PWP1: variants seen among roughly 807,000 people sequenced by gnomAD.
PWP1 encodes PWP1 homolog, endonuclein, also known as periodic tryptophan protein 1 homolog.
In PWP1, 47 loss-of-function variants were observed where a neutral mutation model predicts 69.9. The observed-to-expected ratio is 0.67, with a 90% CI of 0.53 to 0.86. The LOEUF (loss-of-function observed/expected upper bound fraction) is 0.86, where lower values mean the gene tolerates loss of function less well. Among genes scored for constraint, PWP1 ranks in the 40% least tolerant of loss-of-function variants. The pLI is 0.00. For missense variants in PWP1, 551 were observed against 608.8 expected (o/e 0.91, Z 1.00); for synonymous variants, 222 against 208.2 (o/e 1.07, Z -0.57).
chr12:107,709,528 A>T (rs11113449), intron 13 of PWP1, among the ~76,000 whole-genome samples: 61,772 of 122,060 alleles, frequency 0.51, 13,322 homozygotes, highest in South Asian at 0.58. Flanking sequence ...TTTTTTTTTT[A>T]AAACCCTGAA....
At position 107,685,822 on chromosome 12, in the gene PWP1, G is replaced by T. The variant is rs1889350269; in HGVS notation, c.-78G>T. 1 of 1,497,122 alleles carries T rather than the reference G, an allele frequency of 6.7e-7. No homozygotes were observed. The allele number at this position is 1,497,122 out of a possible 1,614,324, so 92.7% of individuals were successfully genotyped here. On this transcript the variant is annotated 5_prime_UTR_variant, in exon 1 of 15. Transcript: ENST00000412830. ...GCAGCGGCCCTGTGCAGATCCCTGA[G>T]CGTGTGGCAGCAGTGCGGTCGTGGT...
At chr12:107,709,304 T>G in intron 13 of PWP1, 72 bp downstream of exon 13, 1 of 1,544,318 alleles carries the variant, frequency 6.5e-7, no homozygotes, top group Non-Finnish European at 8.8e-7. Flanking sequence ...GAACTTGTGT[T>G]GCGTGTTTTT....
At chr12:107,709,330 C>T in intron 13 of PWP1, 98 bp downstream of exon 13, 3 of 1,432,450 alleles carry the variant, frequency 2.1e-6, no homozygotes, top group Admixed American at 2.0e-5. Context: ...GGAACTATTG[C>T]ATTAACAAAT....
At chr12:107,700,859 G>A (rs964528826) in intron 8 of PWP1, among the ~76,000 whole-genome samples, 4 of 152,038 alleles carry the variant, frequency 2.6e-5, no homozygotes, top group Admixed American at 6.6e-5. Context: ...ATCCTAATGG[G>A]TATGAAGTGG....
intron 7 of PWP1, 49 bp from the exon 8 acceptor site, chr12:107,699,324 A>G (rs747575766): frequency 2.2e-6 from 3 of 1,378,800 alleles, no homozygotes; most frequent in Non-Finnish European, 2.0e-6. Flanking sequence ...ATTCAGTTTT[A>G]TTATGAGGGG....
chr12:107,710,020 A>AAAAC (rs1439563584), intron 13 of PWP1, among the ~76,000 whole-genome samples: 1 of 152,212 alleles, frequency 6.6e-6, no homozygotes, highest in Non-Finnish European at 1.5e-5. Flanking sequence ...TGTAAAAAAG[A>AAAAC]AAACAAAGTT....
intron 5 of PWP1, among the ~76,000 whole-genome samples, chr12:107,694,575 ATTCT>A (rs1014168334): frequency 5.9e-5 from 9 of 152,200 alleles, no homozygotes; most frequent in South Asian, 2.1e-4. Flanking sequence ...ATGTGAAATT[ATTCT>A]TTCTAACTCT....
rs1802937 is a variant in PWP1 at position 107,712,281 on chromosome 12, T to C, written c.*61T>C. On this transcript the variant is annotated 3_prime_UTR_variant, in exon 15 of 15. Coordinates refer to ENST00000412830, the MANE Select transcript of PWP1 (RefSeq NM_007062.3). ...GAATTTTAAAAAGTTGGCCTAAAAA[T>C]GTTCCATGCGTGGCAGCAACCATGC... 0.015 allele frequency: 19,385 copies of C among 1,325,470 alleles called. 231 individuals are homozygous for C. Among genetic ancestry groups the C allele is most frequent in the African/African-American group, 0.049 (3,385 of 69,102 alleles). 82.1% of individuals were successfully genotyped at this position (1,325,470 alleles called of 1,614,324 possible).
At chr12:107,711,531 T>G (rs1488477922) in intron 14 of PWP1, among the ~76,000 whole-genome samples, 1 of 152,230 alleles carries the variant, frequency 6.6e-6, no homozygotes, top group Non-Finnish European at 1.5e-5. Context: ...ATCCACCGTT[T>G]GCTCAACTAT....
At chr12:107,703,201 A>G (rs1268443948) in intron 9 of PWP1, among the ~76,000 whole-genome samples, 170 bp downstream of exon 9, 1 of 152,226 alleles carries the variant, frequency 6.6e-6, no homozygotes, top group Non-Finnish European at 1.5e-5. Context: ...GGTAGGTATA[A>G]TGCCCATCTT....
At chr12:107,709,348 T>C in intron 13 of PWP1, 116 bp downstream of exon 13, 1 of 1,320,280 alleles carries the variant, frequency 7.6e-7, no homozygotes, top group Non-Finnish European at 1.0e-6. Flanking sequence ...AATATGGATG[T>C]GTTGGGGAAG....
chr12:107,703,147 T>C (rs562509373), intron 9 of PWP1, 116 bp downstream of exon 9: 1 of 729,174 alleles, frequency 1.4e-6, no homozygotes, highest in African/African-American at 1.8e-5. Flanking sequence ...GCTTGCGGCA[T>C]GCTTTCACAT....
intron 7 of PWP1, 29 bp from the exon 8 acceptor site, chr12:107,699,344 A>G (rs967948187): frequency 6.4e-7 from 1 of 1,565,688 alleles, no homozygotes; most frequent in Admixed American, 1.7e-5. Context: ...GGACTTTAAT[A>G]CAAAAAATAA....
rs909763521 is a variant in PWP1, at chr12:107,685,825, T to G, written c.-75T>G. 1.1e-5 allele frequency: 17 copies of G among 1,502,826 alleles called. No individual in the cohort carries two copies. The highest frequency in any genetic ancestry group is 3.4e-5 in the Admixed American group (2 of 59,372). 93.1% of individuals were successfully genotyped at this position (1,502,826 alleles called of 1,614,324 possible). On this transcript the variant is annotated 5_prime_UTR_variant, in exon 1 of 15. Transcript: ENST00000412830. ...GCGGCCCTGTGCAGATCCCTGAGCG[T>G]GTGGCAGCAGTGCGGTCGTGGTCCC...
At chr12:107,699,127 C>T (rs377650384) in intron 7 of PWP1, among the ~76,000 whole-genome samples, 1 of 152,062 alleles carries the variant, frequency 6.6e-6, no homozygotes. Flanking sequence ...GGCATGGTGG[C>T]ATGCGCGTGT....
At chr12:107,687,261 G>A (rs1288184076) in intron 1 of PWP1, among the ~76,000 whole-genome samples, 2 of 152,088 alleles carry the variant, frequency 1.3e-5, no homozygotes, top group East Asian at 3.9e-4. Flanking sequence ...GTAGGCACTC[G>A]GTGTTACATT....
chr12:107,699,578 G>C, intron 8 of PWP1, 144 bp downstream of exon 8: 3 of 659,216 alleles, frequency 4.6e-6, no homozygotes, highest in Admixed American at 2.9e-5. Flanking sequence ...GCAGGCAGGA[G>C]CTCTGTCATC....
At chr12:107,693,283 CT>C (rs1242867429) in intron 5 of PWP1, among the ~76,000 whole-genome samples, 187 bp downstream of exon 5, 4 of 151,944 alleles carry the variant, frequency 2.6e-5, no homozygotes, top group African/African-American at 9.7e-5. Flanking sequence ...CAGTACATCA[CT>C]TTGGTATCTG....
At chr12:107,702,869 C>A in intron 8 of PWP1, 66 bp from the exon 9 acceptor site, 3 of 983,342 alleles carry the variant, frequency 3.1e-6, no homozygotes, top group Non-Finnish European at 4.9e-6. Context: ...TAAATGCAAT[C>A]CTTTTCTCAT....
Sources: allele counts gnomAD v4.1 joint callset (sites outside exome capture counted in the v4.1 genomes callset), GRCh38; gene constraint gnomAD v4.1.1; transcripts MANE v1.5; gene names NCBI Gene and HGNC (gene_info 2026-07-23, HGNC 2026-07-21).